The following SYNE2 variants were observed in gnomAD, a reference collection of about 807,000 sequenced individuals.
The protein encoded by SYNE2 is spectrin repeat containing nuclear envelope protein 2.
A neutral mutation model predicts 856.3 loss-of-function variants in SYNE2; 431 were observed. That is an observed-to-expected ratio of 0.50 (90% CI 0.47 to 0.55). The LOEUF (loss-of-function observed/expected upper bound fraction) is 0.55. SYNE2 is among the 20% of genes least tolerant of loss of function. The probability of loss-of-function intolerance (pLI) is 0.00; values close to 1 mark genes in which losing one functional copy is unlikely to be tolerated. For synonymous variants in SYNE2, 2,923 were observed against 2,872.3 expected (o/e 1.02, Z -0.56); for missense variants, 8,129 against 8,023.2 (o/e 1.01, Z -0.50).
chr14:63,968,690 A>T (rs1479575162), intron 11 of SYNE2, among the ~76,000 whole-genome samples: 1 of 152,192 alleles, frequency 6.6e-6, no homozygotes, highest in Non-Finnish European at 1.5e-5. Context: ...CTTTTAAAAA[A>T]ATTCAATTTT....
At chr14:64,046,985 C>T (rs933642770) in intron 45 of SYNE2, among the ~76,000 whole-genome samples, 1 of 152,224 alleles carries the variant, frequency 6.6e-6, no homozygotes, top group African/African-American at 2.4e-5. Flanking sequence ...TCAGTTGGCC[C>T]CTTGCCTCGT....
chr14:64,037,864 C>CGGACGGGGCTGCT (rs2097107146), intron 45 of SYNE2, among the ~76,000 whole-genome samples: 1 of 150,852 alleles, frequency 6.6e-6, no homozygotes, highest in Non-Finnish European at 1.5e-5. Flanking sequence ...ACCTCCCTCC[C>CGGACGGGGCTGCT]GGACGGGGCG....
At chr14:64,207,561 AG>A (rs1371997193) in intron 100 of SYNE2, among the ~76,000 whole-genome samples, 2,978 of 145,012 alleles carry the variant, frequency 0.021, 99 homozygotes, top group African/African-American at 0.073. Context: ...AAAAAAAAAA[AG>A]AGAGTATGAA....
rs752875284 is a variant in SYNE2, at chr14:64,065,673, AC to A, written c.10431+25del. On this transcript the variant is annotated intron_variant, in intron 51 of 115. Transcript: ENST00000555002. ...GAAGTGAGTGCTTCATTTTCAACAAACCATGTAGTTTCTAACATGTTATTTA... is the reference window on the plus strand; with the variant it reads ...GAAGTGAGTGCTTCATTTTCAACAAACATGTAGTTTCTAACATGTTATTTA... The A allele has an allele frequency of 3.9e-4, 627 of 1,612,472 alleles. 1 individual carries two copies. Among genetic ancestry groups the A allele is most frequent in the Non-Finnish European group, 4.9e-4 (582 of 1,178,976 alleles).
intron 1 of SYNE2, among the ~76,000 whole-genome samples, chr14:63,792,886 C>T (rs71416311): frequency 0.064 from 9,785 of 152,054 alleles, 346 homozygotes; most frequent in Middle Eastern, 0.1. Flanking sequence ...ACTATGTTGC[C>T]CAGGCTGGTC....
chr14:63,842,914 C>T (rs774153379), intron 1 of SYNE2, among the ~76,000 whole-genome samples: 11 of 152,080 alleles, frequency 7.2e-5, no homozygotes, highest in Non-Finnish European at 1.3e-4. Context: ...CTTTCTGTTA[C>T]GTTTACTCTT....
intron 1 of SYNE2, among the ~76,000 whole-genome samples, chr14:63,855,988 G>C (rs1891612649): frequency 6.6e-6 from 1 of 152,148 alleles, no homozygotes; most frequent in South Asian, 2.1e-4. Context: ...AGATGAGAAG[G>C]AGCTAGCCAT....
chr14:64,144,558 A>T lies in SYNE2; in HGVS notation c.15483+610A>T, dbSNP rs556880376. ...ATAGTTAGCAAATAAACATGGAAAG[A>T]TATCATTAGCAGATACTCAAAATAA... On this transcript the variant is annotated intron_variant, in intron 83 of 115. Coordinates refer to ENST00000555002, the MANE Select transcript of SYNE2 (RefSeq NM_182914.3). Among the ~76,000 whole-genome samples the T allele has an allele frequency of 2.0e-5, 3 of 152,362 alleles. No individual in the cohort carries two copies. The East Asian group carries it at 5.8e-4, about 29-fold the overall frequency.
chr14:63,918,144 G>A (rs1184986602), intron 2 of SYNE2, among the ~76,000 whole-genome samples: 2 of 152,120 alleles, frequency 1.3e-5, no homozygotes, highest in East Asian at 3.8e-4. Flanking sequence ...ATTATTCAGA[G>A]CTTGAAGTAG....
At chr14:64,023,811 C>A in intron 38 of SYNE2, 1 of 241,354 alleles carries the variant, frequency 4.1e-6, no homozygotes, top group Non-Finnish European at 8.2e-6. Flanking sequence ...GATAGAATCA[C>A]CCCTCTTCTA....
At chr14:64,215,661 G>C (rs2098663001) in intron 107 of SYNE2, 1 of 506,058 alleles carries the variant, frequency 2.0e-6, no homozygotes, top group South Asian at 2.5e-5. Context: ...CTTTGGCATG[G>C]GCCAAGCTTT....
chr14:64,140,171 T>G (rs1384777209), intron 80 of SYNE2, 98 bp downstream of exon 80: 1 of 1,260,130 alleles, frequency 7.9e-7, no homozygotes, highest in African/African-American at 1.5e-5. Context: ...TATTTATTTG[T>G]GGATAAGGGG....
At chr14:63,784,099 G>C (rs902432292) in intron 1 of SYNE2, among the ~76,000 whole-genome samples, 1 of 152,190 alleles carries the variant, frequency 6.6e-6, no homozygotes, top group Non-Finnish European at 1.5e-5. Flanking sequence ...GTGTGTCATA[G>C]AGAATGATGA....
intron 99 of SYNE2, among the ~76,000 whole-genome samples, chr14:64,198,647 C>T (rs1332724513): frequency 6.6e-6 from 1 of 152,168 alleles, no homozygotes; most frequent in African/African-American, 2.4e-5. Flanking sequence ...TTCCCCCCCT[C>T]TTTAACTTGC....
At chr14:63,774,468 C>CAAAAA (rs748830808) in intron 1 of SYNE2, among the ~76,000 whole-genome samples, 1 of 95,326 alleles carries the variant, frequency 1.0e-5, no homozygotes, top group Non-Finnish European at 2.0e-5. Context: ...GACTCCGTCT[C>CAAAAA]AAAAAAAAAA....
intron 21 of SYNE2, 138 bp from the exon 22 acceptor site, chr14:63,993,697 A>G: frequency 1.3e-6 from 1 of 745,804 alleles, no homozygotes; most frequent in Non-Finnish European, 2.2e-6. Flanking sequence ...AGTCTCCTAT[A>G]AATCTTCAGA....
intron 66 of SYNE2, among the ~76,000 whole-genome samples, chr14:64,118,133 A>C (rs2097865561): frequency 6.6e-6 from 1 of 152,176 alleles, no homozygotes; most frequent in African/African-American, 2.4e-5. Context: ...GAAAATTTTT[A>C]ATTCCTTAAA....
Position 63,980,506 on chromosome 14 carries a change from C to T in SYNE2, c.1570-148C>T, listed in dbSNP as rs181853392. The stretch of plus-strand genomic sequence containing the variant: ...CTCCTAGATTTTCACCATCCTTCTT[C>T]CTGTTTTCCTACCAAATATGTAGTA... On this transcript the variant is annotated intron_variant, in intron 14 of 115. Coordinates refer to ENST00000555002, the MANE Select transcript of SYNE2 (RefSeq NM_182914.3). 5.1e-4 allele frequency: 305 copies of T among 598,290 alleles called. 1 individual carries two copies. The highest frequency in any genetic ancestry group is 4.8e-3 in the African/African-American group (259 of 53,852). The allele number at this position is 598,290 out of a possible 1,614,324, so 37.1% of individuals were successfully genotyped here.
intron 1 of SYNE2, among the ~76,000 whole-genome samples, chr14:63,882,559 T>A (rs1208122545): frequency 2.8e-5 from 4 of 143,388 alleles, no homozygotes; most frequent in African/African-American, 5.2e-5. Flanking sequence ...CTACACAAAG[T>A]AAAAAAAAAA....
Sources: allele counts gnomAD v4.1 joint callset (sites outside exome capture counted in the v4.1 genomes callset), GRCh38; gene constraint gnomAD v4.1.1; transcripts MANE v1.5; gene names NCBI Gene and HGNC (gene_info 2026-07-23, HGNC 2026-07-21).